Variants in ITCH observed in about 807,000 individuals in gnomAD.
ITCH encodes itchy E3 ubiquitin protein ligase.
A neutral mutation model predicts 126.8 loss-of-function variants in ITCH; 28 were observed. That is an observed-to-expected ratio of 0.22 (90% CI 0.16 to 0.30). The LOEUF is 0.30. Ranked by LOEUF, ITCH falls within the 10% of genes least tolerant of loss-of-function variation. The pLI is 1.00. For missense variants in ITCH, 631 were observed against 1,032.4 expected, an observed-to-expected ratio of 0.61 and a Z score of 5.33; for synonymous variants, 342 against 340.0, an observed-to-expected ratio of 1.01 and a Z score of -0.06.
At chr20:34,382,728 C>CTATTATTATTAT (rs374784508) in intron 2 of ITCH, among the ~76,000 whole-genome samples, 1,952 of 139,906 alleles carry the variant, frequency 0.014, 22 homozygotes, top group African/African-American at 0.02. Context: ...TTTATTATTA[C>CTATTATTATTAT]TATTATTATT....
chr20:34,376,665 A>G (rs1049010025), intron 2 of ITCH, among the ~76,000 whole-genome samples: 6 of 152,090 alleles, frequency 3.9e-5, no homozygotes, highest in African/African-American at 7.2e-5. Context: ...GTAATAGGCA[A>G]AAGTTTTGAA....
intron 8 of ITCH, among the ~76,000 whole-genome samples, chr20:34,439,178 G>A (rs1044834730): frequency 2.6e-5 from 4 of 152,194 alleles, no homozygotes; most frequent in Non-Finnish European, 4.4e-5. Context: ...TGTGGGCAGG[G>A]AATGCAGTGT....
intron 12 of ITCH, among the ~76,000 whole-genome samples, chr20:34,450,621 ATATAT>A (rs1338676601): frequency 3.3e-5 from 5 of 152,362 alleles, no homozygotes; most frequent in South Asian, 4.1e-4. Flanking sequence ...CAAGATAATA[ATATAT>A]TATAATAGAA....
intron 14 of ITCH, among the ~76,000 whole-genome samples, chr20:34,469,350 GCA>G (rs1987404819): frequency 6.6e-6 from 1 of 151,852 alleles, no homozygotes; most frequent in African/African-American, 2.4e-5. Context: ...GTGCAGTGGT[GCA>G]ATCTCAGCTC....
intron 13 of ITCH, among the ~76,000 whole-genome samples, chr20:34,459,711 G>C (rs1425292392): frequency 6.6e-6 from 1 of 152,118 alleles, no homozygotes; most frequent in Non-Finnish European, 1.5e-5. Flanking sequence ...ATTCCAGCTT[G>C]GGCGACAGAG....
chr20:34,486,422 T>G (rs1212580153), intron 20 of ITCH, among the ~76,000 whole-genome samples: 1 of 150,406 alleles, frequency 6.6e-6, no homozygotes, highest in Non-Finnish European at 1.5e-5. Context: ...ATCTCCTGGG[T>G]TCAAGTGATT....
rs2038922877 is a variant in ITCH at position 34,402,515 on chromosome 20, A to G, written c.71-6136A>G. The G allele has an allele frequency of 1.0e-4, 78 of 750,918 alleles. 2 individuals are homozygous for G. Among genetic ancestry groups the G allele is most frequent in the South Asian group, 1.0e-3 (74 of 73,966 alleles). The allele number at this position is 750,918 out of a possible 1,614,324, so 46.5% of individuals were successfully genotyped here. ...TCTGTTTGTGGATAACTCAGCAGTC[A>G]TAATCCCTCATAATCCTCTTGCTCT... On this transcript the variant is annotated intron_variant, in intron 3 of 24. Transcript: ENST00000374864.
intron 2 of ITCH, among the ~76,000 whole-genome samples, chr20:34,393,083 C>G (rs1001172559): frequency 6.6e-6 from 1 of 152,188 alleles, no homozygotes; most frequent in African/African-American, 2.4e-5. Flanking sequence ...CCAACTCATG[C>G]ATGCTAACAG....
chr20:34,364,937 C>G (rs1012457100), intron 1 of ITCH, among the ~76,000 whole-genome samples: 6 of 148,870 alleles, frequency 4.0e-5, no homozygotes, highest in African/African-American at 1.5e-4. Flanking sequence ...TGGTGGCTCA[C>G]GCCTGTAATC....
chr20:34,447,443 C>A (rs1220228499), intron 11 of ITCH, among the ~76,000 whole-genome samples: 1 of 152,028 alleles, frequency 6.6e-6, no homozygotes, highest in African/African-American at 2.4e-5. Flanking sequence ...TATGAAGTGG[C>A]CTTTGTCCAC....
chr20:34,451,985 C>T (rs1272012482), intron 12 of ITCH, among the ~76,000 whole-genome samples: 12 of 151,374 alleles, frequency 7.9e-5, no homozygotes, highest in Non-Finnish European at 2.9e-5. Flanking sequence ...GGGAGGATCA[C>T]CTGAGCCTGG....
chr20:34,454,031 T>G (rs1364093113), intron 12 of ITCH, among the ~76,000 whole-genome samples: 1 of 151,992 alleles, frequency 6.6e-6, no homozygotes, highest in Non-Finnish European at 1.5e-5. Flanking sequence ...GAGAGAATTC[T>G]GGATTCTGCA....
At chr20:34,506,208 C>T (rs555542565) in intron 24 of ITCH, among the ~76,000 whole-genome samples, 51 of 152,274 alleles carry the variant, frequency 3.3e-4, no homozygotes, top group East Asian at 9.7e-4. Flanking sequence ...GGACGACAGG[C>T]ATGTGCTACC....
intron 7 of ITCH, among the ~76,000 whole-genome samples, chr20:34,433,374 C>T (rs993180016): frequency 6.6e-6 from 1 of 152,162 alleles, no homozygotes; most frequent in Non-Finnish European, 1.5e-5. Flanking sequence ...ATTCTGCAGT[C>T]TGTCTAAAAG....
chr20:34,433,869 T>C (rs770878376), intron 7 of ITCH, among the ~76,000 whole-genome samples: 1 of 152,054 alleles, frequency 6.6e-6, no homozygotes, highest in Non-Finnish European at 1.5e-5. Context: ...TGAGAAGGAC[T>C]GACAAGAGAT....
intron 11 of ITCH, among the ~76,000 whole-genome samples, chr20:34,447,971 T>A (rs1003019509): frequency 6.6e-6 from 1 of 152,228 alleles, no homozygotes; most frequent in Non-Finnish European, 1.5e-5. Flanking sequence ...AAATGTAACG[T>A]AAGGACTTTG....
intron 11 of ITCH, 35 bp downstream of exon 11, chr20:34,445,496 T>G: frequency 6.2e-7 from 1 of 1,603,198 alleles, no homozygotes; most frequent in South Asian, 1.1e-5. Flanking sequence ...CTAATAAGAG[T>G]ATTTTGTTTC....
At chr20:34,374,225 G>A (rs997243350) in intron 2 of ITCH, among the ~76,000 whole-genome samples, 1 of 152,072 alleles carries the variant, frequency 6.6e-6, no homozygotes. Flanking sequence ...CTACAATTTT[G>A]TCTTGATTAT....
chr20:34,379,420 A>G (rs2037966695), intron 2 of ITCH, among the ~76,000 whole-genome samples: 2 of 152,072 alleles, frequency 1.3e-5, no homozygotes, highest in Admixed American at 6.6e-5. Context: ...GACCATTACC[A>G]CTATCGGTCT....
Sources: allele counts gnomAD v4.1 joint callset (sites outside exome capture counted in the v4.1 genomes callset), GRCh38; gene constraint gnomAD v4.1.1; transcripts MANE v1.5; gene names NCBI Gene and HGNC (gene_info 2026-07-23, HGNC 2026-07-21).